Variants in SLC38A5 observed in about 807,000 individuals in gnomAD.
SLC38A5 encodes the protein solute carrier family 38 member 5.
SLC38A5 carries 9 observed loss-of-function variants against 34.6 expected under a neutral mutation model. The ratio of observed to expected loss-of-function variants is 0.26; its 90% CI spans 0.16 to 0.45. The LOEUF (loss-of-function observed/expected upper bound fraction) is 0.45. Among genes scored for constraint, SLC38A5 ranks in the 20% least tolerant of loss-of-function variants. The pLI is 1.00. For synonymous variants in SLC38A5, 157 were observed against 155.6 expected, an observed-to-expected ratio of 1.01 and a Z score of -0.07; for missense variants, 253 against 394.7, an observed-to-expected ratio of 0.64 and a Z score of 3.04.
At position 48,459,311 on chromosome X, in the gene SLC38A5, T is replaced by C. The variant is rs2061419181; in HGVS notation, c.1317+225A>G. On this transcript the variant is annotated intron_variant, in intron 16 of 16. Coordinates refer to ENST00000620913, the MANE Select transcript of SLC38A5 (RefSeq NM_033518.4). ...TTCCATCTGTCTGGAGAATGCTCCC[T>C]CTATGCCAGCCTCTGTTTGAGTGCT... is the stretch of plus-strand genomic sequence containing the variant. 1.4e-5 allele frequency: 6 copies of C among 431,621 alleles called. No homozygotes were observed. In the East Asian group the frequency reaches 2.3e-4, roughly 17 times the overall value. 35.6% of individuals were successfully genotyped at this position (431,621 alleles called of 1,213,427 possible). A position where few individuals can be genotyped will look rare whatever the true frequency, so the allele number is the denominator to read the frequency against.
At chrX:48,467,142 C>T (rs2061483548) in intron 4 of SLC38A5, 65 bp from the exon 5 acceptor site, 4 of 960,993 alleles carry the variant, frequency 4.2e-6, no homozygotes, top group Non-Finnish European at 5.8e-6. Flanking sequence ...AGACTAATGC[C>T]AGGGCCAGGG....
intron 2 of SLC38A5, chrX:48,468,778 A>T: frequency 1.6e-6 from 1 of 634,737 alleles, no homozygotes; most frequent in Non-Finnish European, 1.9e-6. Context: ...GAAACTTCCT[A>T]GGTGTGGGGT....
intron 6 of SLC38A5, among the ~76,000 whole-genome samples, 184 bp from the exon 7 acceptor site, chrX:48,466,506 G>A (rs1474102956): frequency 5.5e-5 from 6 of 109,178 alleles, no homozygotes; most frequent in Non-Finnish European, 1.1e-4. Flanking sequence ...TGGGATCTGA[G>A]GCCAGGGAAA....
At chrX:48,463,730 T>C (rs1307044441) in intron 8 of SLC38A5, among the ~76,000 whole-genome samples, 2 of 88,966 alleles carry the variant, frequency 2.2e-5, no homozygotes, top group Non-Finnish European at 4.2e-5. Context: ...TGAGCCAAGA[T>C]CGCGCCATTG....
rs782240964 is a variant in SLC38A5, at chrX:48,459,643, G to A, written c.1214-4C>T. The A allele has an allele frequency of 1.5e-5, 17 of 1,164,929 alleles. 1 individual carries two copies. The South Asian group carries it at 3.5e-4, about 24-fold the overall frequency. Reference sequence around the variant, plus strand: ...AGGCTGGGGGCTGAGGTGGACCCTGGAGAACAAGAAGAAGGGACAGGAGTC... The same window carrying A: ...AGGCTGGGGGCTGAGGTGGACCCTGAAGAACAAGAAGAAGGGACAGGAGTC... On this transcript the variant is annotated splice_polypyrimidine_tract_variant and splice_region_variant and intron_variant, in intron 15 of 16. Coordinates refer to ENST00000620913, the MANE Select transcript of SLC38A5 (RefSeq NM_033518.4).
chrX:48,466,082 A>G lies in SLC38A5; in HGVS notation c.424T>C (p.Tyr142His). The change falls in exon 8 of 17, where the codon TAC becomes CAC. Residue 142 changes from tyrosine (Y) to histidine (H), a missense_variant. Transcript: ENST00000620913. ...CLHNVGAMSS[Y>H]LFIIKSELPL... ...AGCTCAGATTTGATGATGAACAGGT[A>G]ACTGGACATGGCTGGTGCAGGTGGG... The G allele has an allele frequency of 2.5e-6, 3 of 1,202,806 alleles. No individual in the cohort carries two copies. Among genetic ancestry groups the G allele is most frequent in the Non-Finnish European group, 3.4e-6 (3 of 890,827 alleles).
At chrX:48,461,941 A>G in intron 11 of SLC38A5, 66 bp downstream of exon 11, 1 of 1,136,764 alleles carries the variant, frequency 8.8e-7, no homozygotes, top group African/African-American at 1.8e-5. Context: ...TCTGAGCAGG[A>G]TGCACCATAT....
At position 48,461,747 on chromosome X, in the gene SLC38A5, C is replaced by T. The variant is rs782029016; in HGVS notation, c.822G>A (p.Glu274=). 2 of 1,210,187 alleles carry T rather than the reference C, an allele frequency of 1.7e-6. No individual in the cohort carries two copies. The highest frequency in any genetic ancestry group is 2.2e-5 in the Admixed American group (1 of 45,906). Residue 274 remains glutamate (E), a synonymous_variant, in exon 12 of 17, where the codon GAG becomes GAA. Coordinates refer to ENST00000620913, the MANE Select transcript of SLC38A5 (RefSeq NM_033518.4). The part of the protein sequence containing the change: ...IMAFAFVCHP[E]VLPIYTELCR... ...AGAGCTCCGTATAGATGGGCAGCAC[C>T]TCAGGGTGGCAGACAAAAGCAAAAG...
intron 4 of SLC38A5, 142 bp downstream of exon 4, chrX:48,467,568 G>T: frequency 1.8e-6 from 1 of 560,886 alleles, no homozygotes; most frequent in South Asian, 2.8e-5. Flanking sequence ...AGAGGGGAGC[G>T]ACCAAGTAGT....
chrX:48,459,594 A>G lies in SLC38A5; in HGVS notation c.1259T>C (p.Phe420Ser). The G allele has an allele frequency of 8.7e-7, 1 of 1,145,513 alleles. No homozygotes were observed. The highest frequency in any genetic ancestry group is 1.2e-6 in the Non-Finnish European group (1 of 864,326). The allele number at this position is 1,145,513 out of a possible 1,213,427, so 94.4% of individuals were successfully genotyped here. ...CTCAGAGGGTACAATGCGGAGGTAG[A>G]AGATGCTGGGGAGGATGAAGATGAG... The part of the protein sequence containing the change: ...PSLIFILPSI[F>S]YLRIVPSEVE... The change falls in exon 16 of 17, where the codon TTC (phenylalanine) becomes TCC (serine). Residue 420 changes from phenylalanine (F) to serine (S), a missense_variant. Transcript: ENST00000620913.
chrX:48,468,198 T>G, intron 2 of SLC38A5: 6 of 987,456 alleles, frequency 6.1e-6, no homozygotes, highest in South Asian at 3.2e-5. Context: ...GAGAGAGAAA[T>G]AGTGGGGAAG....
chrX:48,467,232 A>G, intron 4 of SLC38A5, 155 bp from the exon 5 acceptor site: 1 of 469,951 alleles, frequency 2.1e-6, no homozygotes, highest in East Asian at 3.7e-5. Context: ...AGCAGGGAAG[A>G]AGAGTTGAAG....
Position 48,467,782 on chromosome X carries a change from G to A in SLC38A5, c.57C>T (p.Tyr19=), listed in dbSNP as rs782789768. ...NGALPSDAVG[Y]RQEREGFLPS... is the part of the protein sequence containing the mutation. ...GCAGGAAGCCCTCACGTTCTTGCCT[G>A]TAGCTGGATAGGGCAGGGAAATAGG... The change falls in exon 4 of 17, where the codon TAC becomes TAT. Residue 19 remains tyrosine (Y), a synonymous_variant. Coordinates refer to ENST00000620913, the MANE Select transcript of SLC38A5 (RefSeq NM_033518.4). 6 of 1,205,847 alleles carry A rather than the reference G, an allele frequency of 5.0e-6. No homozygotes were observed. Among genetic ancestry groups the A allele is most frequent in the Non-Finnish European group, 6.7e-6 (6 of 893,264 alleles).
Position 48,458,678 on chromosome X carries a change from CTCCTCCTCCTCCTCCTCTTCT to C in SLC38A5, c.*234_*254del, listed in dbSNP as rs2061414846. The C allele has an allele frequency of 9.2e-6, 9 of 983,429 alleles. No individual in the cohort carries two copies. In the South Asian group the frequency reaches 2.0e-4, roughly 22 times the overall value. The allele number at this position is 983,429 out of a possible 1,213,427, so 81.0% of individuals were successfully genotyped here. A position where few individuals can be genotyped will look rare whatever the true frequency, so the allele number is the denominator to read the frequency against. On this transcript the variant is annotated 3_prime_UTR_variant, in exon 17 of 17. Transcript: ENST00000620913. ...ACCTGGCCTCCTCCTCCTCCTCCTC[CTCCTCCTCCTCCTCCTCTTCT>C]TCCTCCTCCTCCTCCTCCCATGGGG...
At position 48,458,545 on chromosome X, in the gene SLC38A5, G is replaced by T. The variant is rs2061413605; in HGVS notation, c.*388C>A. The stretch of plus-strand genomic sequence containing the variant: ...AAGATCAGAAGGCTGAGTCCAGAGT[G>T]GTAGCTCAACATCTTTATTTTTCCT... On this transcript the variant is annotated 3_prime_UTR_variant, in exon 17 of 17. Transcript: ENST00000620913. 3 of 805,863 alleles carry T rather than the reference G, an allele frequency of 3.7e-6. No homozygotes were observed. The highest frequency in any genetic ancestry group is 4.5e-6 in the Non-Finnish European group (3 of 670,290). The allele number at this position is 805,863 out of a possible 1,213,427, so 66.4% of individuals were successfully genotyped here. A position where few individuals can be genotyped will look rare whatever the true frequency, so the allele number is the denominator to read the frequency against.
chrX:48,459,856 C>T lies in SLC38A5; in HGVS notation c.1089G>A (p.Gln363=). The change falls in exon 15 of 17, where the codon CAG becomes CAA. Residue 363 remains glutamine (Q), a synonymous_variant. Transcript: ENST00000620913. ...TGAAGGCCTTGCCTGGGAAAAGCAG[C>T]TGCTGCAGGGCCCGGCGGATCTGTG... ...VLFPIRRALQ[Q]LLFPGKAFSW... is the part of the protein sequence containing the mutation. The T allele has an allele frequency of 3.3e-6, 4 of 1,210,481 alleles. No homozygotes were observed. The highest frequency in any genetic ancestry group is 4.5e-6 in the Non-Finnish European group (4 of 894,888).
At chrX:48,463,209 C>T (rs1280837047) in intron 8 of SLC38A5, among the ~76,000 whole-genome samples, 1 of 112,803 alleles carries the variant, frequency 8.9e-6, no homozygotes. Flanking sequence ...CAGTGGGACA[C>T]AGCTAACACA....
intron 1 of SLC38A5, chrX:48,469,902 G>A (rs782546970): frequency 2.7e-5 from 3 of 111,284 alleles, no homozygotes; most frequent in Non-Finnish European, 3.8e-5. Flanking sequence ...ATAGGCTCGT[G>A]GAAACACCTG....
At chrX:48,461,838 G>A in intron 11 of SLC38A5, 41 bp from the exon 12 acceptor site, 1 of 1,175,359 alleles carries the variant, frequency 8.5e-7, no homozygotes, top group Non-Finnish European at 1.1e-6. Flanking sequence ...AGCCAACAGG[G>A]GTCCATCCCC....
Sources: gnomAD v4.1 joint callset for allele counts (sites outside exome capture counted in the v4.1 genomes callset) on GRCh38, gnomAD v4.1.1 for gene constraint, MANE v1.5 for transcripts, NCBI Gene and HGNC (gene_info 2026-07-23, HGNC 2026-07-21) for gene names.